The following FSHR variants were observed in gnomAD, a reference collection of about 807,000 sequenced individuals.
FSHR encodes follicle-stimulating hormone receptor.
A neutral mutation model predicts 52.1 loss-of-function variants in FSHR; 46 were observed. That is an observed-to-expected ratio of 0.88 (90% CI 0.70 to 1.13). FSHR has a LOEUF of 1.13. Among genes scored for constraint, FSHR ranks in the 50% most tolerant of loss-of-function variants. The pLI is 0.00. For missense variants in FSHR, 964 were observed against 834.6 expected, an observed-to-expected ratio of 1.16 and a Z score of -1.91; for synonymous variants, 399 against 309.6, an observed-to-expected ratio of 1.29 and a Z score of -3.03.
intron 8 of FSHR, among the ~76,000 whole-genome samples, chr2:48,976,758 G>A (rs1188858739): frequency 6.6e-6 from 1 of 152,106 alleles, no homozygotes; most frequent in East Asian, 1.9e-4. Flanking sequence ...ACATTTTTTA[G>A]TTTATTTGCA....
At chr2:49,072,835 T>C (rs1471645347) in intron 1 of FSHR, among the ~76,000 whole-genome samples, 1 of 152,138 alleles carries the variant, frequency 6.6e-6, no homozygotes, top group Non-Finnish European at 1.5e-5. Flanking sequence ...TACAGAGAAC[T>C]ACACCTGTTT....
At chr2:49,037,659 A>G (rs1415320936) in intron 2 of FSHR, among the ~76,000 whole-genome samples, 1 of 152,238 alleles carries the variant, frequency 6.6e-6, no homozygotes, top group African/African-American at 2.4e-5. Flanking sequence ...AACACTCAAT[A>G]AGTGGACTGA....
chr2:49,088,731 G>C (rs1459289625), intron 1 of FSHR, among the ~76,000 whole-genome samples: 1 of 152,176 alleles, frequency 6.6e-6, no homozygotes, highest in African/African-American at 2.4e-5. Context: ...CTTCTGCTTA[G>C]ATATAGGAGG....
chr2:49,024,877 G>A (rs993983316), intron 2 of FSHR, among the ~76,000 whole-genome samples: 1 of 152,178 alleles, frequency 6.6e-6, no homozygotes, highest in African/African-American at 2.4e-5. Flanking sequence ...TGAGTCCCCA[G>A]TGGTTGAGGA....
chr2:49,002,416 A>G (rs1666928587), intron 4 of FSHR, among the ~76,000 whole-genome samples: 1 of 151,974 alleles, frequency 6.6e-6, no homozygotes, highest in Non-Finnish European at 1.5e-5. Context: ...TCATGCTGCT[A>G]TGAAGAAATG....
chr2:49,108,731 C>G (rs1410992468), intron 1 of FSHR, among the ~76,000 whole-genome samples: 1 of 152,072 alleles, frequency 6.6e-6, no homozygotes, highest in African/African-American at 2.4e-5. Context: ...AACATTTAGA[C>G]TGAGCAGGAG....
intron 4 of FSHR, among the ~76,000 whole-genome samples, chr2:49,011,203 C>A (rs985360570): frequency 6.6e-6 from 1 of 150,710 alleles, no homozygotes; most frequent in Non-Finnish European, 1.5e-5. Flanking sequence ...GCTTTGAATG[C>A]GTCCCACAGA....
chr2:49,145,978 T>C (rs1572808319), intron 1 of FSHR, among the ~76,000 whole-genome samples: 1 of 151,872 alleles, frequency 6.6e-6, no homozygotes, highest in South Asian at 2.1e-4. Flanking sequence ...ACATAGAGCA[T>C]AGGGTTGAGA....
chr2:49,124,391 T>G (rs1671926409), intron 1 of FSHR, among the ~76,000 whole-genome samples: 1 of 152,080 alleles, frequency 6.6e-6, no homozygotes, highest in Admixed American at 6.6e-5. Context: ...AAAATATAAT[T>G]AATATTACAT....
intron 1 of FSHR, among the ~76,000 whole-genome samples, chr2:49,105,248 G>A (rs1671181533): frequency 6.6e-6 from 1 of 152,150 alleles, no homozygotes; most frequent in African/African-American, 2.4e-5. Context: ...ACAAGGGGCA[G>A]TTTTCTCCCC....
At chr2:49,077,254 T>G (rs1330412639) in intron 1 of FSHR, among the ~76,000 whole-genome samples, 1 of 152,236 alleles carries the variant, frequency 6.6e-6, no homozygotes. Flanking sequence ...TTGACTTTTG[T>G]GTATCTTGAC....
chr2:49,121,456 T>C (rs1671814022), intron 1 of FSHR, among the ~76,000 whole-genome samples: 1 of 152,216 alleles, frequency 6.6e-6, no homozygotes, highest in South Asian at 2.1e-4. Context: ...CTGGCCTGTA[T>C]TGATGTCTCT....
intron 1 of FSHR, among the ~76,000 whole-genome samples, chr2:49,126,302 C>A (rs544231172): frequency 1.5e-5 from 2 of 132,314 alleles, no homozygotes; most frequent in African/African-American, 5.9e-5. Flanking sequence ...AGAGCACATG[C>A]GCGTGCACAC....
intron 1 of FSHR, among the ~76,000 whole-genome samples, chr2:49,151,747 G>C (rs140282206): frequency 2.6e-5 from 4 of 152,014 alleles, no homozygotes; most frequent in African/African-American, 9.7e-5. Flanking sequence ...AGATTGTAAG[G>C]TGAATTAGAG....
chr2:48,971,033 C>T (rs1674718924), intron 8 of FSHR, among the ~76,000 whole-genome samples: 1 of 152,188 alleles, frequency 6.6e-6, no homozygotes, highest in Admixed American at 6.5e-5. Context: ...AATCTTAGTA[C>T]TGCAGATATA....
rs1667737007 is a variant in FSHR at position 49,021,899 on chromosome 2, A to AGAGAGAGAGAGAGG, written c.225-1740_225-1739insCCTCTCTCTCTCTC. On this transcript the variant is annotated intron_variant, in intron 2 of 9. Coordinates refer to ENST00000406846, the MANE Select transcript of FSHR (RefSeq NM_000145.4). ...TATATATATATATAGAGAGAGAGAGAGAGAGAGAGAGAGAGAGAGAGAATG... is the reference window on the plus strand; with the variant it reads ...TATATATATATATAGAGAGAGAGAGAGAGAGAGAGAGAGGGAGAGAGAGAGAGAGAGAGAGAATG... 5.2e-5 allele frequency among the ~76,000 whole-genome samples: 4 copies of AGAGAGAGAGAGAGG among 77,136 alleles called. No individual in the cohort carries two copies. In the Admixed American group the frequency reaches 6.4e-4, roughly 12 times the overall value. 50.6% of individuals were successfully genotyped at this position (77,136 alleles called of 152,430 possible). A position where few individuals can be genotyped will look rare whatever the true frequency, so the allele number is the denominator to read the frequency against.
chr2:49,102,372 C>G (rs1671061215), intron 1 of FSHR, among the ~76,000 whole-genome samples: 1 of 152,046 alleles, frequency 6.6e-6, no homozygotes, highest in Non-Finnish European at 1.5e-5. Flanking sequence ...TCAAGGGAGT[C>G]TAAATCTATA....
At position 48,990,500 on chromosome 2, in the gene FSHR, C is replaced by T. The variant is rs1048715174; in HGVS notation, c.446+66G>A. ...GACTACACAATGCATATTAAAGGCC[C>T]AGATAGCCGTTGGGCAAGACAGATA... is the stretch of plus-strand genomic sequence containing the variant. On this transcript the variant is annotated intron_variant, in intron 5 of 9. Coordinates refer to ENST00000406846, the MANE Select transcript of FSHR (RefSeq NM_000145.4). 4.9e-6 allele frequency: 5 copies of T among 1,030,742 alleles called. No individual in the cohort carries two copies. In the Admixed American group the frequency reaches 5.1e-5, roughly 10 times the overall value. 63.8% of individuals were successfully genotyped at this position (1,030,742 alleles called of 1,614,324 possible). A position where few individuals can be genotyped will look rare whatever the true frequency, so the allele number is the denominator to read the frequency against.
chr2:49,053,217 G>A (rs1045600807), intron 2 of FSHR, among the ~76,000 whole-genome samples: 3 of 152,112 alleles, frequency 2.0e-5, no homozygotes, highest in Non-Finnish European at 2.9e-5. Context: ...GCTTATTGCC[G>A]CCTCATCTGC....
Sources: allele counts gnomAD v4.1 joint callset (sites outside exome capture counted in the v4.1 genomes callset), GRCh38; gene constraint gnomAD v4.1.1; transcripts MANE v1.5; gene names NCBI Gene and HGNC (gene_info 2026-07-23, HGNC 2026-07-21).